IST1: variants seen among roughly 807,000 people sequenced by gnomAD.
The protein encoded by IST1 is IST1 factor associated with ESCRT-III.
In IST1, 23 loss-of-function variants were observed where a neutral mutation model predicts 37.0. The ratio of observed to expected loss-of-function variants is 0.62; its 90% CI spans 0.45 to 0.88. The LOEUF (loss-of-function observed/expected upper bound fraction) is 0.88. IST1 is among the 40% of genes least tolerant of loss of function. The pLI is 0.00. For synonymous variants in IST1, 180 were observed against 161.7 expected (o/e 1.11, Z -0.86); for missense variants, 488 against 445.4 (o/e 1.10, Z -0.86).
chr16:71,896,846 C>T (rs1335014230), intron 1 of IST1, among the ~76,000 whole-genome samples: 1 of 151,972 alleles, frequency 6.6e-6, no homozygotes, highest in Admixed American at 6.6e-5. Flanking sequence ...GCGTGGAGGC[C>T]CGCATCTATA....
intron 4 of IST1, 57 bp downstream of exon 4, chr16:71,917,191 G>T (rs7350856): frequency 0.35 from 364,695 of 1,027,416 alleles, 66,951 homozygotes; most frequent in East Asian, 0.62. Context: ...AGAAAGGTTG[G>T]TTAATATAAG....
At chr16:71,918,417 C>CTTTTTT (rs71695136) in intron 4 of IST1, among the ~76,000 whole-genome samples, 1 of 115,338 alleles carries the variant, frequency 8.7e-6, no homozygotes, top group Admixed American at 9.0e-5. Flanking sequence ...CTTATGTAGG[C>CTTTTTT]TTTTTTTTTT....
rs372779200 is a variant in IST1, at chr16:71,909,965, C to T, written c.-15-5661C>T. Among the ~76,000 whole-genome samples, 387 of 152,090 alleles carry T rather than the reference C, an allele frequency of 2.5e-3. 23 individuals carry two copies. The South Asian group carries it at 0.077, about 30-fold the overall frequency. On this transcript the variant is annotated intron_variant, in intron 1 of 9. Transcript: ENST00000378799. ...ATTTAACGGCAAGTTGGATAATGTT[C>T]CTTAGGTTAATGTCTTCTAATTTCA...
chr16:71,904,478 A>G (rs1470545233), intron 1 of IST1, among the ~76,000 whole-genome samples: 2 of 152,214 alleles, frequency 1.3e-5, no homozygotes, highest in African/African-American at 4.8e-5. Flanking sequence ...ACTTGCACAA[A>G]CATGGCTGTC....
At chr16:71,899,135 C>G (rs745516822) in intron 1 of IST1, among the ~76,000 whole-genome samples, 1 of 152,044 alleles carries the variant, frequency 6.6e-6, no homozygotes, top group Non-Finnish European at 1.5e-5. Flanking sequence ...AATTCTGAAG[C>G]CTTATTTTCT....
intron 1 of IST1, among the ~76,000 whole-genome samples, chr16:71,902,302 C>T (rs1320344716): frequency 6.6e-6 from 1 of 152,040 alleles, no homozygotes; most frequent in Non-Finnish European, 1.5e-5. Flanking sequence ...CAAAGTCTGG[C>T]TCTGTCATCC....
intron 1 of IST1, among the ~76,000 whole-genome samples, chr16:71,912,370 T>TG (rs1284197914): frequency 6.6e-6 from 1 of 152,112 alleles, no homozygotes; most frequent in Non-Finnish European, 1.5e-5. Flanking sequence ...CCTGAGAAGC[T>TG]GGGACTACAG....
At chr16:71,898,035 C>A (rs975332759) in intron 1 of IST1, among the ~76,000 whole-genome samples, 17 of 151,956 alleles carry the variant, frequency 1.1e-4, no homozygotes, top group Non-Finnish European at 2.2e-4. Flanking sequence ...GAGAAGGATT[C>A]TATATTGCTC....
chr16:71,924,139 C>T (rs1196666915), intron 8 of IST1: 1 of 456,030 alleles, frequency 2.2e-6, no homozygotes, highest in Non-Finnish European at 4.4e-6. Flanking sequence ...TTTGGTTTTG[C>T]ATGCGTCACA....
At chr16:71,918,684 G>A (rs2037517115) in intron 4 of IST1, among the ~76,000 whole-genome samples, 1 of 152,104 alleles carries the variant, frequency 6.6e-6, no homozygotes, top group African/African-American at 2.4e-5. Flanking sequence ...CCAAAGTGTT[G>A]GGATTACAGG....
At chr16:71,926,511 TTTTTTTTTGTA>T (rs1383103791) in intron 9 of IST1, among the ~76,000 whole-genome samples, 1 of 150,898 alleles carries the variant, frequency 6.6e-6, no homozygotes, top group Non-Finnish European at 1.5e-5. Flanking sequence ...GCCTGGCTAA[TTTTTTTTTGTA>T]TTTTTAGTAG....
intron 4 of IST1, among the ~76,000 whole-genome samples, 196 bp downstream of exon 4, chr16:71,917,330 GTTTT>G (rs1407428894): frequency 2.6e-5 from 4 of 152,136 alleles, no homozygotes; most frequent in African/African-American, 9.7e-5. Flanking sequence ...AACTTGAGCA[GTTTT>G]TTTAAGGAGC....
At chr16:71,906,103 A>C (rs1028119644) in intron 1 of IST1, among the ~76,000 whole-genome samples, 19 of 149,460 alleles carry the variant, frequency 1.3e-4, no homozygotes, top group Non-Finnish European at 2.8e-4. Context: ...TCCCAGGTTC[A>C]ACCAATTCTC....
chr16:71,904,712 A>G (rs1171745096), intron 1 of IST1, among the ~76,000 whole-genome samples: 2 of 152,120 alleles, frequency 1.3e-5, no homozygotes, highest in South Asian at 2.1e-4. Context: ...CTGGCCTCCA[A>G]CTTTCTTTTG....
intron 9 of IST1, 65 bp from the exon 10 acceptor site, chr16:71,927,549 A>C: frequency 8.8e-7 from 1 of 1,135,226 alleles, no homozygotes; most frequent in Non-Finnish European, 1.3e-6. Context: ...TTTTATTTTT[A>C]CTGCCAAAGG....
chr16:71,903,443 C>T (rs2037153726), intron 1 of IST1: 1 of 152,072 alleles, frequency 6.6e-6, no homozygotes, highest in East Asian at 1.9e-4. Flanking sequence ...AGCAGTTCAT[C>T]TAGAAGTATA....
intron 1 of IST1, among the ~76,000 whole-genome samples, chr16:71,905,056 G>A (rs1289375426): frequency 6.6e-6 from 1 of 150,600 alleles, no homozygotes; most frequent in African/African-American, 2.4e-5. Context: ...TGTTTTTTGA[G>A]ATGGAGTCTC....
At chr16:71,895,313 G>C (rs1292021318), upstream of IST1, 1 of 155,054 alleles carries the variant, frequency 6.4e-6, no homozygotes, top group Non-Finnish European at 1.4e-5. Context: ...TGACTCAGTC[G>C]GCGTGGCGCT....
At chr16:71,910,681 A>G (rs1022626510) in intron 1 of IST1, among the ~76,000 whole-genome samples, 1 of 152,160 alleles carries the variant, frequency 6.6e-6, no homozygotes, top group African/African-American at 2.4e-5. Context: ...TCAGGCATCC[A>G]CTAGGGTCTT....
Sources: gnomAD v4.1 joint callset for allele counts (sites outside exome capture counted in the v4.1 genomes callset) on GRCh38, gnomAD v4.1.1 for gene constraint, MANE v1.5 for transcripts, NCBI Gene and HGNC (gene_info 2026-07-23, HGNC 2026-07-21) for gene names.